The following ITGA11 variants were observed in gnomAD, a reference collection of about 807,000 sequenced individuals.
ITGA11 encodes integrin alpha-11.
Under a neutral mutation model 141.9 loss-of-function variants are expected in ITGA11, and 97 were observed. The ratio of observed to expected loss-of-function variants is 0.68; its 90% CI spans 0.58 to 0.81. The LOEUF is 0.81. ITGA11 is among the 30% of genes least tolerant of loss of function. ITGA11 has a pLI of 0.00. For missense variants in ITGA11, 1,387 were observed against 1,559.2 expected (o/e 0.89, Z 1.86); for synonymous variants, 658 against 624.6 (o/e 1.05, Z -0.80).
Position 68,328,971 on chromosome 15 carries a change from G to A in ITGA11, c.1902-709C>T, listed in dbSNP as rs1420240741. The stretch of plus-strand genomic sequence containing the variant: ...ACCGGCCTAAGTCAAATGTAATTAG[G>A]AACGGAAACCTATTGCCTCTCCCAA... On this transcript the variant is annotated intron_variant, in intron 15 of 29. Transcript: ENST00000315757. This position sits in a 1 kb window ranked among gnomAD's most constrained non-coding sequence, Gnocchi z 4.8. Among the ~76,000 whole-genome samples the A allele has an allele frequency of 6.6e-6, 1 of 152,144 alleles. No individual in the cohort carries two copies. Among genetic ancestry groups the A allele is most frequent in the Non-Finnish European group, 1.5e-5 (1 of 68,034 alleles).
rs541949925 is a variant in ITGA11, at chr15:68,302,791, C to T, written c.*268G>A. 13 of 402,794 alleles carry T rather than the reference C, an allele frequency of 3.2e-5. No homozygotes were observed. The highest frequency in any genetic ancestry group is 1.7e-4 in the East Asian group (4 of 23,236). The allele number at this position is 402,794 out of a possible 1,614,324, so 25.0% of individuals were successfully genotyped here. A position where few individuals can be genotyped will look rare whatever the true frequency, so the allele number is the denominator to read the frequency against. On this transcript the variant is annotated 3_prime_UTR_variant, in exon 30 of 30. Coordinates refer to ENST00000315757, the MANE Select transcript of ITGA11 (RefSeq NM_001004439.2). ...CCACAGAGCCTGAGGGAGGCCTTGG[C>T]ATGGGCCTGGGTGTGTGTAGGGGTG...
Position 68,432,125 on chromosome 15 carries a change from A to G in ITGA11, c.-59T>C. On this transcript the variant is annotated 5_prime_UTR_variant, in exon 1 of 30. Transcript: ENST00000315757. ...GCGGCGGCGGGGGGCGGCAAGCCAGAGCGGCAGCCTCCTCGGCGCGGCGCC... is the reference window on the plus strand; with the variant it reads ...GCGGCGGCGGGGGGCGGCAAGCCAGGGCGGCAGCCTCCTCGGCGCGGCGCC... 7.9e-7 allele frequency: 1 copy of G among 1,266,802 alleles called. No homozygotes were observed. The highest frequency in any genetic ancestry group is 1.0e-6 in the Non-Finnish European group (1 of 986,256). 78.5% of individuals were successfully genotyped at this position (1,266,802 alleles called of 1,614,324 possible). A position where few individuals can be genotyped will look rare whatever the true frequency, so the allele number is the denominator to read the frequency against.
intron 2 of ITGA11, among the ~76,000 whole-genome samples, chr15:68,385,314 G>A (rs781756905): frequency 2.0e-5 from 3 of 152,208 alleles, no homozygotes; most frequent in Non-Finnish European, 4.4e-5. Flanking sequence ...TGTGTGCCCC[G>A]AGACAGCACT....
Position 68,321,847 on chromosome 15 carries a change from G to A in ITGA11, c.2323-344C>T, listed in dbSNP as rs1273748269. Among the ~76,000 whole-genome samples the A allele has an allele frequency of 1.3e-5, 2 of 152,210 alleles. No homozygotes were observed. The highest frequency in any genetic ancestry group is 4.8e-5 in the African/African-American group (2 of 41,450). ...ACTGGGGATACAAAACAAGAAAGATGCAGCTTCTGCCCTCAGCTCAAGGGG... is the reference window on the plus strand; with the variant it reads ...ACTGGGGATACAAAACAAGAAAGATACAGCTTCTGCCCTCAGCTCAAGGGG... On this transcript the variant is annotated intron_variant, in intron 18 of 29. Transcript: ENST00000315757. The surrounding 1 kb of genome is among the most constrained non-coding windows in gnomAD (Gnocchi z 4.9).
chr15:68,347,678 G>A (rs1245429613), intron 10 of ITGA11, among the ~76,000 whole-genome samples: 1 of 152,154 alleles, frequency 6.6e-6, no homozygotes, highest in Non-Finnish European at 1.5e-5. Context: ...GTAGAGGAAA[G>A]AGCACGAGAC....
rs968895932 is a variant in ITGA11, at chr15:68,372,508, G to C, written c.165-3224C>G. Among the ~76,000 whole-genome samples, 4 of 152,338 alleles carry C rather than the reference G, an allele frequency of 2.6e-5. No homozygotes were observed. In the South Asian group the frequency reaches 8.3e-4, roughly 32 times the overall value. ...GTGTGCTGTGAGTCACTGGCTGCGG[G>C]CTCCCAGCATTCTTCCTGCGGAGGC... On this transcript the variant is annotated intron_variant, in intron 2 of 29. Transcript: ENST00000315757.
At chr15:68,331,138 G>A (rs1300844144) in intron 14 of ITGA11, 27 bp from the exon 15 acceptor site, 1 of 1,571,680 alleles carries the variant, frequency 6.4e-7, no homozygotes, top group East Asian at 2.3e-5. Flanking sequence ...GAGAGGGGGA[G>A]GGCATGCACA....
In ITGA11 at chr15:68,333,087, G is replaced by A. The variant is rs143024085; in HGVS notation, c.1426-609C>T. On this transcript the variant is annotated intron_variant, in intron 12 of 29. Coordinates refer to ENST00000315757, the MANE Select transcript of ITGA11 (RefSeq NM_001004439.2). The surrounding 1 kb of genome is among the most constrained non-coding windows in gnomAD (Gnocchi z 4.2). Reference sequence around the variant, plus strand: ...GCATGTATCATAATGTGTTTAATCAGTTATTGCTGGACGGTTAGCTTTTTT... The same window carrying A: ...GCATGTATCATAATGTGTTTAATCAATTATTGCTGGACGGTTAGCTTTTTT... 1.1e-3 allele frequency among the ~76,000 whole-genome samples: 167 copies of A among 146,158 alleles called. 1 individual carries two copies. The highest frequency in any genetic ancestry group is 3.5e-3 in the Middle Eastern group (1 of 286).
intron 7 of ITGA11, among the ~76,000 whole-genome samples, chr15:68,352,128 G>T (rs1894933930): frequency 6.7e-6 from 1 of 149,944 alleles, no homozygotes; most frequent in Admixed American, 6.6e-5. Context: ...AAACACCATT[G>T]ATGTCCAGGC....
chr15:68,354,335 C>A (rs186524075), intron 7 of ITGA11, among the ~76,000 whole-genome samples: 1 of 152,218 alleles, frequency 6.6e-6, no homozygotes, highest in Admixed American at 6.5e-5. Flanking sequence ...AGAATCACAC[C>A]ACATTGTTCA....
At chr15:68,407,144 G>A (rs1445628535) in intron 1 of ITGA11, among the ~76,000 whole-genome samples, 1 of 152,124 alleles carries the variant, frequency 6.6e-6, no homozygotes, top group Non-Finnish European at 1.5e-5. Context: ...GTTCCAGCAG[G>A]GAGACGCAAT....
Position 68,339,564 on chromosome 15 carries a change from A to G in ITGA11, c.1212T>C (p.Ile404=). The part of the protein sequence containing the change: ...VLKETSAGKV[I]PLRESYLKEF... ...CTTTCAGGTAGGACTCGCGGAGAGG[A>G]ATGACCTTCCCGGCACTCGTCTCCT... Residue 404 remains isoleucine (I), a synonymous_variant, in exon 11 of 30, where the codon ATT becomes ATC. Transcript: ENST00000315757. The G allele has an allele frequency of 6.2e-7, 1 of 1,613,908 alleles. No individual in the cohort carries two copies. Among genetic ancestry groups the G allele is most frequent in the South Asian group, 1.1e-5 (1 of 91,080 alleles).
At chr15:68,318,330 G>A (rs1172958968) in intron 20 of ITGA11, among the ~76,000 whole-genome samples, 3 of 152,184 alleles carry the variant, frequency 2.0e-5, no homozygotes, top group Non-Finnish European at 4.4e-5. Context: ...CCAGGATTAG[G>A]AGCAAGCATG....
chr15:68,425,428 C>T (rs1320515530), intron 1 of ITGA11, among the ~76,000 whole-genome samples: 1 of 152,136 alleles, frequency 6.6e-6, no homozygotes, highest in East Asian at 1.9e-4. Context: ...AGAACCCTGT[C>T]TACAAACTAT....
At position 68,312,774 on chromosome 15, in the gene ITGA11, C is replaced by A; in HGVS notation, c.2972G>T (p.Arg991Met). The A allele has an allele frequency of 6.2e-7, 1 of 1,611,434 alleles. No homozygotes were observed. The highest frequency in any genetic ancestry group is 8.5e-7 in the Non-Finnish European group (1 of 1,177,902). Reference protein sequence around the residue: ...GIGPPFSCIFRIQNLGLFPIH... With the variant: ...GIGPPFSCIFMIQNLGLFPIH... ...TACCCGGCTCCCCTCCAGCCTCACC[C>A]TGAAGATGCAGCTGAAGGGAGGCCC... The change falls in exon 24 of 30, where the codon AGG (arginine) becomes ATG (methionine). Residue 991 changes from arginine to methionine, a missense_variant and splice_region_variant. Coordinates refer to ENST00000315757, the MANE Select transcript of ITGA11 (RefSeq NM_001004439.2).
intron 7 of ITGA11, among the ~76,000 whole-genome samples, chr15:68,352,087 A>C (rs1595873278): frequency 3.0e-5 from 1 of 33,370 alleles, no homozygotes; most frequent in African/African-American, 1.1e-4. Flanking sequence ...TCTCAAAACA[A>C]ACAAACAAAC....
intron 2 of ITGA11, among the ~76,000 whole-genome samples, chr15:68,396,679 T>C (rs1896250383): frequency 6.6e-6 from 1 of 151,166 alleles, no homozygotes; most frequent in Admixed American, 6.6e-5. Flanking sequence ...TCCAAAGGAA[T>C]CCAAAAGGGA....
At chr15:68,415,827 G>C (rs989446442) in intron 1 of ITGA11, among the ~76,000 whole-genome samples, 1 of 152,252 alleles carries the variant, frequency 6.6e-6, no homozygotes, top group African/African-American at 2.4e-5. Context: ...TGAAGATTCA[G>C]CTGGCCTTGA....
In ITGA11 at chr15:68,307,744, C is replaced by G; in HGVS notation, c.3175-48G>C. On this transcript the variant is annotated intron_variant, in intron 26 of 29. Coordinates refer to ENST00000315757, the MANE Select transcript of ITGA11 (RefSeq NM_001004439.2). This position sits in a 1 kb window ranked among gnomAD's most constrained non-coding sequence, Gnocchi z 6.1. ...GGGCTGAGCTGCTGGGCTAGGGGAG[C>G]AGGGGGCAGCAACACTGCTTGAACG... The G allele has an allele frequency of 7.6e-7, 1 of 1,323,794 alleles. No individual in the cohort carries two copies. Among genetic ancestry groups the G allele is most frequent in the Non-Finnish European group, 1.1e-6 (1 of 924,758 alleles). The allele number at this position is 1,323,794 out of a possible 1,614,324, so 82.0% of individuals were successfully genotyped here. A position where few individuals can be genotyped will look rare whatever the true frequency, so the allele number is the denominator to read the frequency against.
Sources: gnomAD v4.1 joint callset for allele counts (sites outside exome capture counted in the v4.1 genomes callset) on GRCh38, gnomAD v4.1.1 for gene constraint, Gnocchi (gnomAD v3.1) non-coding constraint, MANE v1.5 for transcripts, NCBI Gene and HGNC (gene_info 2026-07-23, HGNC 2026-07-21) for gene names.